Variants in SPAG16 observed in about 807,000 individuals in gnomAD.
The protein encoded by SPAG16 is sperm-associated antigen 16 protein.
In SPAG16, 86 loss-of-function variants were observed where a neutral mutation model predicts 80.4. That is an observed-to-expected ratio of 1.07 (90% CI 0.90 to 1.28). The LOEUF is 1.28. Ranked by LOEUF, SPAG16 falls within the 50% of genes most tolerant of loss-of-function variation. SPAG16 has a pLI of 0.00. For synonymous variants in SPAG16, 294 were observed against 265.9 expected, an observed-to-expected ratio of 1.11 and a Z score of -1.03; for missense variants, 870 against 765.3, an observed-to-expected ratio of 1.14 and a Z score of -1.61.
chr2:213,981,047 A>C (rs2045722385), intron 12 of SPAG16, among the ~76,000 whole-genome samples: 1 of 152,086 alleles, frequency 6.6e-6, no homozygotes, highest in Admixed American at 6.6e-5. Context: ...CACAGTTCTA[A>C]AGGCTGGGAA....
At chr2:213,601,760 A>G (rs1265454282) in intron 10 of SPAG16, among the ~76,000 whole-genome samples, 1 of 152,254 alleles carries the variant, frequency 6.6e-6, no homozygotes, top group East Asian at 1.9e-4. Context: ...ATTGTGTTAC[A>G]ATTGCCTATA....
At chr2:213,310,009 A>G in intron 3 of SPAG16, 50 bp from the exon 4 acceptor site, 1 of 1,216,108 alleles carries the variant, frequency 8.2e-7, no homozygotes, top group East Asian at 2.4e-5. Flanking sequence ...TATATCATTA[A>G]TTAATGCTTT....
chr2:214,029,913 A>G (rs771268854), intron 13 of SPAG16, among the ~76,000 whole-genome samples: 3 of 152,174 alleles, frequency 2.0e-5, no homozygotes, highest in Admixed American at 6.6e-5. Context: ...TATGCATAAT[A>G]TCACCACAAT....
At chr2:213,771,522 T>C (rs1264364015) in intron 10 of SPAG16, among the ~76,000 whole-genome samples, 2 of 152,338 alleles carry the variant, frequency 1.3e-5, no homozygotes, top group Middle Eastern at 3.4e-3. Context: ...CATAAAATCT[T>C]TGCCCATGCC....
At chr2:214,200,305 A>G (rs893984261) in intron 15 of SPAG16, among the ~76,000 whole-genome samples, 8 of 152,272 alleles carry the variant, frequency 5.3e-5, no homozygotes, top group African/African-American at 1.9e-4. Flanking sequence ...AAGGGATGCT[A>G]GATTCAATCA....
At chr2:213,617,773 A>C (rs2061648342) in intron 10 of SPAG16, among the ~76,000 whole-genome samples, 3 of 152,136 alleles carry the variant, frequency 2.0e-5, no homozygotes, top group Non-Finnish European at 2.9e-5. Context: ...TGATCAGGCC[A>C]CTGCACTCCA....
At chr2:213,641,328 C>T (rs1372231756) in intron 10 of SPAG16, among the ~76,000 whole-genome samples, 1 of 152,212 alleles carries the variant, frequency 6.6e-6, no homozygotes, top group Non-Finnish European at 1.5e-5. Flanking sequence ...ATATCCAGGC[C>T]TCCGGCACAC....
chr2:214,118,541 A>G (rs1314980079), intron 14 of SPAG16, among the ~76,000 whole-genome samples: 3 of 152,152 alleles, frequency 2.0e-5, no homozygotes, highest in African/African-American at 7.2e-5. Context: ...GGGGAATCAA[A>G]CACATCCTTC....
intron 5 of SPAG16, among the ~76,000 whole-genome samples, chr2:213,321,366 C>T (rs1665667431): frequency 6.6e-6 from 1 of 151,870 alleles, no homozygotes; most frequent in Non-Finnish European, 1.5e-5. Context: ...TGAATTACTC[C>T]CAGTTTTCTT....
chr2:213,526,530 T>C (rs1329787359), intron 10 of SPAG16, among the ~76,000 whole-genome samples: 1 of 152,178 alleles, frequency 6.6e-6, no homozygotes, highest in Non-Finnish European at 1.5e-5. Context: ...CCACATGCTG[T>C]CTAGGTTGGC....
At chr2:213,834,993 T>C (rs2073996932) in intron 10 of SPAG16, among the ~76,000 whole-genome samples, 1 of 152,170 alleles carries the variant, frequency 6.6e-6, no homozygotes, top group Admixed American at 6.5e-5. Flanking sequence ...TTGCAAAATA[T>C]ATTTGAACTC....
At chr2:213,811,163 TAAAC>T (rs1291307012) in intron 10 of SPAG16, among the ~76,000 whole-genome samples, 1 of 152,218 alleles carries the variant, frequency 6.6e-6, no homozygotes, top group Non-Finnish European at 1.5e-5. Context: ...TGCTTATTTT[TAAAC>T]AAAGATTTCT....
At chr2:214,176,064 A>G (rs962780341) in intron 15 of SPAG16, among the ~76,000 whole-genome samples, 2 of 151,486 alleles carry the variant, frequency 1.3e-5, no homozygotes, top group African/African-American at 4.8e-5. Context: ...ATTATAATAT[A>G]CTAATTTGTA....
intron 10 of SPAG16, among the ~76,000 whole-genome samples, chr2:213,527,550 A>G (rs1575844616): frequency 6.6e-6 from 1 of 152,286 alleles, no homozygotes; most frequent in Middle Eastern, 3.4e-3. Context: ...TTGCCTCTCC[A>G]TTATAATGTT....
At chr2:213,288,533 G>T (rs905363661) in intron 1 of SPAG16, among the ~76,000 whole-genome samples, 3 of 149,888 alleles carry the variant, frequency 2.0e-5, no homozygotes, top group Admixed American at 2.0e-4. Flanking sequence ...GGATGGTCTC[G>T]ATCTCCTGAC....
intron 10 of SPAG16, among the ~76,000 whole-genome samples, chr2:213,712,834 TAGAC>T (rs2066059310): frequency 6.6e-6 from 1 of 152,186 alleles, no homozygotes; most frequent in Non-Finnish European, 1.5e-5. Context: ...GGTAAGAAGA[TAGAC>T]AGCTTCCCTG....
intron 11 of SPAG16, among the ~76,000 whole-genome samples, chr2:213,913,452 C>T (rs2077772233): frequency 6.6e-6 from 1 of 151,262 alleles, no homozygotes; most frequent in Non-Finnish European, 1.5e-5. Context: ...TTAAGGTTTG[C>T]CAGAGAAATA....
intron 15 of SPAG16, among the ~76,000 whole-genome samples, chr2:214,205,288 A>G (rs1174890522): frequency 6.6e-6 from 1 of 152,156 alleles, no homozygotes; most frequent in African/African-American, 2.4e-5. Flanking sequence ...AAAAATCTTC[A>G]GTGAAATAGC....
chr2:214,097,425 A>C (rs1466715228), intron 13 of SPAG16, among the ~76,000 whole-genome samples: 2 of 152,062 alleles, frequency 1.3e-5, no homozygotes, highest in Non-Finnish European at 1.5e-5. Flanking sequence ...TGAAGTGGCT[A>C]AGTACAGAAG....
Sources: gnomAD v4.1 joint callset for allele counts (sites outside exome capture counted in the v4.1 genomes callset) on GRCh38, gnomAD v4.1.1 for gene constraint, MANE v1.5 for transcripts, NCBI Gene and HGNC (gene_info 2026-07-23, HGNC 2026-07-21) for gene names.